The following PKD1L1 variants were observed in gnomAD, a reference collection of about 807,000 sequenced individuals.
PKD1L1 encodes polycystin-1-like protein 1.
In PKD1L1, 236 loss-of-function variants were observed where a neutral mutation model predicts 323.4. That is an observed-to-expected ratio of 0.73 (90% CI 0.66 to 0.81). The LOEUF (loss-of-function observed/expected upper bound fraction) is 0.81, where lower values mean the gene tolerates loss of function less well. Among genes scored for constraint, PKD1L1 ranks in the 40% least tolerant of loss-of-function variants. The pLI is 0.00. For synonymous variants in PKD1L1, 1,344 were observed against 1,335.0 expected (o/e 1.01, Z -0.15); for missense variants, 3,320 against 3,508.0 (o/e 0.95, Z 1.35).
chr7:47,842,943 C>T lies in PKD1L1; in HGVS notation c.5445+19G>A. On this transcript the variant is annotated intron_variant, in intron 34 of 56. Transcript: ENST00000289672. Reference sequence around the variant, plus strand: ...CTGCTTAGACACCATCAAAGAGTACCCCCAGATGCTCGAGCTACCTTTGAG... The same window carrying T: ...CTGCTTAGACACCATCAAAGAGTACTCCCAGATGCTCGAGCTACCTTTGAG... The T allele has an allele frequency of 6.2e-7, 1 of 1,604,212 alleles. No individual in the cohort carries two copies. Among genetic ancestry groups the T allele is most frequent in the Non-Finnish European group, 8.5e-7 (1 of 1,174,444 alleles).
intron 37 of PKD1L1, among the ~76,000 whole-genome samples, chr7:47,836,632 G>A (rs1785462347): frequency 6.6e-6 from 1 of 152,206 alleles, no homozygotes; most frequent in Non-Finnish European, 1.5e-5. Context: ...TGTTCTCAAA[G>A]ACAACCGGCT....
chr7:47,785,388 T>C (rs1786783718), intron 56 of PKD1L1, among the ~76,000 whole-genome samples: 1 of 152,224 alleles, frequency 6.6e-6, no homozygotes, highest in Admixed American at 6.5e-5. Flanking sequence ...GCCTCTAGAA[T>C]TGTGCCTGGC....
At chr7:47,822,594 CAAAAA>C (rs745820560) in intron 45 of PKD1L1, among the ~76,000 whole-genome samples, 10 of 71,424 alleles carry the variant, frequency 1.4e-4, no homozygotes, top group African/African-American at 5.3e-4. Context: ...GACTCCGTCT[CAAAAA>C]AAAAAAAAAA....
At chr7:47,803,478 G>T in intron 52 of PKD1L1, 134 bp from the exon 53 acceptor site, 1 of 988,826 alleles carries the variant, frequency 1.0e-6, no homozygotes, top group Non-Finnish European at 1.5e-6. Flanking sequence ...GTCTCCGAGG[G>T]ACATCAAGTG....
intron 8 of PKD1L1, among the ~76,000 whole-genome samples, chr7:47,912,523 A>C (rs1157781914): frequency 6.6e-6 from 1 of 152,110 alleles, no homozygotes; most frequent in Non-Finnish European, 1.5e-5. Context: ...GCAAATAAAG[A>C]AATAACTACC....
chr7:47,860,246 A>G (rs1395772768), intron 26 of PKD1L1, among the ~76,000 whole-genome samples: 1 of 152,220 alleles, frequency 6.6e-6, no homozygotes, highest in Non-Finnish European at 1.5e-5. Context: ...TCAAATGTCT[A>G]CGAGACAAAG....
intron 54 of PKD1L1, among the ~76,000 whole-genome samples, chr7:47,800,399 G>A (rs1408450306): frequency 2.0e-5 from 3 of 152,136 alleles, no homozygotes; most frequent in African/African-American, 7.2e-5. Flanking sequence ...GGCCAGGGAA[G>A]CTTCCTGGAG....
intron 15 of PKD1L1, among the ~76,000 whole-genome samples, chr7:47,893,229 C>CA (rs529686945): frequency 0.084 from 4,379 of 52,284 alleles, 210 homozygotes; most frequent in Non-Finnish European, 0.13. Flanking sequence ...GACCCTATCT[C>CA]AAAAAAAAAA....
chr7:47,954,383 G>A, the PKD1L1 span, among the ~76,000 whole-genome samples: 7 of 152,244 alleles, frequency 4.6e-5, no homozygotes, highest in Non-Finnish European at 7.3e-5. Flanking sequence ...AGAGCCTGAT[G>A]AGAAGTGATG....
At chr7:47,849,100 G>C (rs919773200) in intron 31 of PKD1L1, among the ~76,000 whole-genome samples, 1 of 152,170 alleles carries the variant, frequency 6.6e-6, no homozygotes, top group African/African-American at 2.4e-5. Flanking sequence ...AGTGAGGAAA[G>C]GACACCCTAT....
intron 36 of PKD1L1, among the ~76,000 whole-genome samples, chr7:47,838,104 G>A (rs538099238): frequency 6.6e-5 from 10 of 152,360 alleles, no homozygotes; most frequent in Admixed American, 1.3e-4. Context: ...GGAAACAGTC[G>A]TCTAAGAGGA....
chr7:47,895,047 C>G (rs1262706456), intron 14 of PKD1L1, among the ~76,000 whole-genome samples: 3 of 152,156 alleles, frequency 2.0e-5, no homozygotes, highest in Non-Finnish European at 4.4e-5. Context: ...CCTTCAACCT[C>G]TGTTTGCTCA....
chr7:47,778,769 C>A (rs1786626524), intron 56 of PKD1L1, among the ~76,000 whole-genome samples: 1 of 152,202 alleles, frequency 6.6e-6, no homozygotes, highest in Admixed American at 6.5e-5. Context: ...GCCTTTAGCA[C>A]ATGAATGTCT....
intron 15 of PKD1L1, among the ~76,000 whole-genome samples, chr7:47,891,894 C>T (rs1368193641): frequency 6.6e-6 from 1 of 152,184 alleles, no homozygotes; most frequent in Non-Finnish European, 1.5e-5. Flanking sequence ...AGAGCATGTG[C>T]ATGAATCAAA....
At chr7:47,892,079 A>G (rs74942598) in intron 15 of PKD1L1, among the ~76,000 whole-genome samples, 7,005 of 152,252 alleles carry the variant, frequency 0.046, 389 homozygotes, top group African/African-American at 0.14. Flanking sequence ...TGGGGGATAT[A>G]TCAAATAAGA....
At chr7:47,910,826 T>TTTTGTGTGTGTGTG (rs762737755) in intron 8 of PKD1L1, among the ~76,000 whole-genome samples, 3 of 126,082 alleles carry the variant, frequency 2.4e-5, no homozygotes, top group Non-Finnish European at 4.8e-5. Context: ...CCAGCTGATT[T>TTTTGTGTGTGTGTG]TGTGTGTGTG....
rs753320684 is a variant in PKD1L1, at chr7:47,839,616, C to A, written c.5599G>T (p.Asp1867Tyr). 6.3e-7 allele frequency: 1 copy of A among 1,589,520 alleles called. No homozygotes were observed. Among genetic ancestry groups the A allele is most frequent in the Non-Finnish European group, 8.6e-7 (1 of 1,168,116 alleles). Residue 1867 changes from aspartate (D) to tyrosine (Y), a missense_variant, in exon 36 of 57, where the codon GAC (aspartate) becomes TAC (tyrosine). Transcript: ENST00000289672. This position sits in a 1 kb window ranked among gnomAD's most constrained non-coding sequence, Gnocchi z 4.3. ...GLLRKIRLWHDSRGPSPGWFI... is the reference protein window; with the variant it reads ...GLLRKIRLWHYSRGPSPGWFI... Reference sequence around the variant, plus strand: ...CAGCCTGGGGAAGGCCCACGGCTGTCGTGCCAGAGGCGGATCTTCCTCAGC... The same window carrying A: ...CAGCCTGGGGAAGGCCCACGGCTGTAGTGCCAGAGGCGGATCTTCCTCAGC...
chr7:47,880,803 T>C lies in PKD1L1; in HGVS notation c.3445A>G (p.Ile1149Val). The change falls in exon 21 of 57, where the codon ATT becomes GTT. Residue 1149 changes from isoleucine (I) to valine (V), a missense_variant and splice_region_variant. Transcript: ENST00000289672. ...TTGATTGTCACTGTCTGTTCTGTAA[T>C]ACCTGCAGAAAAGACATGGCTGCAT... ...AVFQGYSSSG[I>V]TEQTVTIKPY... The C allele has an allele frequency of 1.9e-6, 3 of 1,600,708 alleles. No individual in the cohort carries two copies. Among genetic ancestry groups the C allele is most frequent in the South Asian group, 1.1e-5 (1 of 90,204 alleles).
At chr7:47,802,725 T>G (rs139926747) in intron 53 of PKD1L1, among the ~76,000 whole-genome samples, 274 of 152,334 alleles carry the variant, frequency 1.8e-3, no homozygotes, top group East Asian at 5.2e-3. Flanking sequence ...ACTCTGTACC[T>G]GTTGATTCGG....
Sources: allele counts gnomAD v4.1 joint callset (sites outside exome capture counted in the v4.1 genomes callset), GRCh38; gene constraint gnomAD v4.1.1; non-coding constraint Gnocchi (gnomAD v3.1); transcripts MANE v1.5; gene names NCBI Gene and HGNC (gene_info 2026-07-23, HGNC 2026-07-21).